Variants in UBE2G1 observed in about 807,000 individuals in gnomAD.
UBE2G1 encodes the protein ubiquitin conjugating enzyme E2 G1.
A neutral mutation model predicts 22.7 loss-of-function variants in UBE2G1; 5 were observed. That is an observed-to-expected ratio of 0.22 (90% CI 0.12 to 0.46). The LOEUF is 0.46. Among genes scored for constraint, UBE2G1 ranks in the 20% least tolerant of loss-of-function variants. The pLI, the probability that UBE2G1 is intolerant of heterozygous loss-of-function variation, is 0.99. For missense variants in UBE2G1, 88 were observed against 203.9 expected (o/e 0.43, Z 3.46); for synonymous variants, 74 against 67.5 (o/e 1.10, Z -0.47).
At chr17:4,292,767 A>G (rs540469333) in intron 3 of UBE2G1, among the ~76,000 whole-genome samples, 2 of 152,296 alleles carry the variant, frequency 1.3e-5, no homozygotes, top group South Asian at 2.1e-4. Context: ...AACATTAACT[A>G]TATTTTCCGT....
intron 1 of UBE2G1, among the ~76,000 whole-genome samples, chr17:4,339,910 T>C (rs547090163): frequency 6.6e-6 from 1 of 152,188 alleles, no homozygotes; most frequent in African/African-American, 2.4e-5. Context: ...ATTCCTTCTC[T>C]CTTTTCCTTT....
chr17:4,307,770 A>G (rs1232335181), intron 1 of UBE2G1, among the ~76,000 whole-genome samples: 2 of 152,200 alleles, frequency 1.3e-5, no homozygotes, highest in African/African-American at 2.4e-5. Flanking sequence ...TGGAGCATAC[A>G]GAATGGCTGC....
intron 4 of UBE2G1, among the ~76,000 whole-genome samples, chr17:4,285,396 T>A (rs1391058489): frequency 1.3e-5 from 2 of 152,146 alleles, no homozygotes; most frequent in African/African-American, 4.8e-5. Context: ...AAATTCTATA[T>A]AAATTTGATT....
intron 3 of UBE2G1, among the ~76,000 whole-genome samples, chr17:4,294,505 C>A (rs998914310): frequency 4.4e-4 from 67 of 151,886 alleles, no homozygotes; most frequent in African/African-American, 1.6e-3. Context: ...AACACACCAC[C>A]ATTTTATCAG....
At chr17:4,322,301 A>C (rs983354723) in intron 1 of UBE2G1, among the ~76,000 whole-genome samples, 1 of 152,242 alleles carries the variant, frequency 6.6e-6, no homozygotes, top group African/African-American at 2.4e-5. Flanking sequence ...TTTCTTCCAA[A>C]GGGGAACAAC....
At chr17:4,281,954 T>TC (rs1273325728) in intron 5 of UBE2G1, among the ~76,000 whole-genome samples, 5 of 151,348 alleles carry the variant, frequency 3.3e-5, no homozygotes, top group Admixed American at 3.3e-4. Flanking sequence ...ATGGGTGCCT[T>TC]CCATCTTTGA....
intron 5 of UBE2G1, among the ~76,000 whole-genome samples, chr17:4,273,662 C>G (rs1359808668): frequency 1.4e-5 from 2 of 138,608 alleles, no homozygotes; most frequent in East Asian, 4.6e-4. Flanking sequence ...TTAAAAGTCT[C>G]ATTTGACTAT....
intron 1 of UBE2G1, among the ~76,000 whole-genome samples, chr17:4,358,390 C>G (rs1260523591): frequency 6.6e-6 from 1 of 152,080 alleles, no homozygotes; most frequent in Non-Finnish European, 1.5e-5. Flanking sequence ...TCAAGCCTCC[C>G]TAGTAGCTGA....
chr17:4,343,830 G>A (rs8073190), intron 1 of UBE2G1, among the ~76,000 whole-genome samples: 199 of 151,908 alleles, frequency 1.3e-3, no homozygotes, highest in African/African-American at 4.6e-3. Context: ...CTCATGATCC[G>A]CCCGCCTCAT....
At chr17:4,280,779 G>A (rs577225302) in intron 5 of UBE2G1, among the ~76,000 whole-genome samples, 3 of 151,854 alleles carry the variant, frequency 2.0e-5, no homozygotes, top group South Asian at 4.2e-4. Context: ...GACAACAGGC[G>A]CACGCCACTG....
At chr17:4,351,398 G>A (rs1969843505) in intron 1 of UBE2G1, among the ~76,000 whole-genome samples, 1 of 152,196 alleles carries the variant, frequency 6.6e-6, no homozygotes, top group Non-Finnish European at 1.5e-5. Flanking sequence ...CCTCGTCTGT[G>A]CCACTGCTGC....
At chr17:4,339,059 A>G (rs1216898421) in intron 1 of UBE2G1, among the ~76,000 whole-genome samples, 3 of 152,140 alleles carry the variant, frequency 2.0e-5, no homozygotes, top group Non-Finnish European at 2.9e-5. Context: ...TTTCCTTTTA[A>G]TATCAGGAAT....
intron 1 of UBE2G1, among the ~76,000 whole-genome samples, chr17:4,329,109 GAAAAAAAAAA>G (rs56962666): frequency 0.014 from 1,317 of 91,770 alleles, 28 homozygotes; most frequent in African/African-American, 0.051. Flanking sequence ...GTCTCAAAAA[GAAAAAAAAAA>G]AAAAAAAAAA....
intron 3 of UBE2G1, among the ~76,000 whole-genome samples, chr17:4,291,322 TGC>T (rs1969036820): frequency 7.3e-6 from 1 of 136,556 alleles, no homozygotes; most frequent in Admixed American, 8.5e-5. Context: ...ATCACACCAC[TGC>T]AGTCTAGCCT....
chr17:4,299,063 G>C (rs1969143350), intron 2 of UBE2G1, among the ~76,000 whole-genome samples: 1 of 152,154 alleles, frequency 6.6e-6, no homozygotes, highest in African/African-American at 2.4e-5. Flanking sequence ...GGCTGCAAAA[G>C]CAATTTAATG....
At chr17:4,280,927 C>G (rs1968881302) in intron 5 of UBE2G1, among the ~76,000 whole-genome samples, 1 of 152,166 alleles carries the variant, frequency 6.6e-6, no homozygotes, top group Non-Finnish European at 1.5e-5. Flanking sequence ...GCCACCGCAC[C>G]TGGCCACAAA....
At chr17:4,324,651 C>T (rs1969480340) in intron 1 of UBE2G1, among the ~76,000 whole-genome samples, 1 of 152,078 alleles carries the variant, frequency 6.6e-6, no homozygotes, top group Non-Finnish European at 1.5e-5. Context: ...CTGCTGGATT[C>T]AAGTGATCCT....
At chr17:4,281,163 C>T (rs989286788) in intron 5 of UBE2G1, among the ~76,000 whole-genome samples, 1 of 152,108 alleles carries the variant, frequency 6.6e-6, no homozygotes, top group Non-Finnish European at 1.5e-5. Flanking sequence ...CAGAAAATAA[C>T]TGCAATGAGA....
chr17:4,284,474 G>A (rs999599396), intron 4 of UBE2G1, among the ~76,000 whole-genome samples: 3 of 151,498 alleles, frequency 2.0e-5, no homozygotes, highest in South Asian at 2.1e-4. Context: ...GGTGGCACGT[G>A]CCTATAATCC....
Sources: gnomAD v4.1 joint callset for allele counts (sites outside exome capture counted in the v4.1 genomes callset) on GRCh38, gnomAD v4.1.1 for gene constraint, MANE v1.5 for transcripts, NCBI Gene and HGNC (gene_info 2026-07-23, HGNC 2026-07-21) for gene names.